LCMT1: variants seen among roughly 807,000 people sequenced by gnomAD.
LCMT1 encodes the protein leucine carboxyl methyltransferase 1.
A neutral mutation model predicts 47.7 loss-of-function variants in LCMT1; 32 were observed. The observed-to-expected ratio is 0.67, with a 90% CI of 0.51 to 0.90. The LOEUF (loss-of-function observed/expected upper bound fraction) is 0.90. Among genes scored for constraint, LCMT1 ranks in the 40% least tolerant of loss-of-function variants. The probability of loss-of-function intolerance (pLI) is 0.00; values close to 1 mark genes in which losing one functional copy is unlikely to be tolerated. For synonymous variants in LCMT1, 152 were observed against 149.7 expected, an observed-to-expected ratio of 1.02 and a Z score of -0.11; for missense variants, 375 against 415.2, an observed-to-expected ratio of 0.90 and a Z score of 0.84.
intron 1 of LCMT1, among the ~76,000 whole-genome samples, chr16:25,114,821 T>A (rs996547796): frequency 3.9e-5 from 6 of 152,272 alleles, no homozygotes; most frequent in Non-Finnish European, 8.8e-5. Context: ...TGTCCTCCTG[T>A]GTGTCTCCCG....
chr16:25,145,688 CCTGGGG>C (rs1173914705), intron 4 of LCMT1: 1 of 152,166 alleles, frequency 6.6e-6, no homozygotes, highest in Non-Finnish European at 1.5e-5. Flanking sequence ...CGAGGTGTTG[CCTGGGG>C]ACTGGCAGGG....
At chr16:25,175,101 CT>C (rs1811215371) in intron 10 of LCMT1, 67 bp downstream of exon 10, 1 of 827,416 alleles carries the variant, frequency 1.2e-6, no homozygotes, top group Non-Finnish European at 2.0e-6. Context: ...TATTCTTTCC[CT>C]TTCTCTTTCT....
At chr16:25,177,946 C>T in intron 10 of LCMT1, 55 bp from the exon 11 acceptor site, 4 of 1,576,982 alleles carry the variant, frequency 2.5e-6, no homozygotes, top group African/African-American at 1.3e-5. Flanking sequence ...CTCTAGGGGC[C>T]TCTGCTCCTG....
intron 1 of LCMT1, among the ~76,000 whole-genome samples, chr16:25,122,715 A>G (rs913335800): frequency 3.3e-5 from 5 of 152,172 alleles, no homozygotes; most frequent in African/African-American, 1.2e-4. Flanking sequence ...TTTCAGGCGT[A>G]GTTATCCTGT....
chr16:25,165,952 G>A (rs779444454), intron 7 of LCMT1, among the ~76,000 whole-genome samples: 12 of 151,954 alleles, frequency 7.9e-5, no homozygotes, highest in South Asian at 2.1e-4. Flanking sequence ...GCTATTTTTT[G>A]TTCTCTCTGA....
rs1177900213 is a variant in LCMT1, at chr16:25,115,405, A to G, written c.113+3409A>G. ...AACTATCCATTTTTGCCTTGAATAC[A>G]GGTGCTAGAAATCACACAGTAGGGT... On this transcript the variant is annotated intron_variant, in intron 1 of 10. Transcript: ENST00000399069. 2.0e-5 allele frequency among the ~76,000 whole-genome samples: 3 copies of G among 152,212 alleles called. No homozygotes were observed. The East Asian group carries it at 5.8e-4, about 29-fold the overall frequency.
chr16:25,122,244 G>T (rs1035609293), intron 1 of LCMT1, among the ~76,000 whole-genome samples: 2 of 152,194 alleles, frequency 1.3e-5, no homozygotes, highest in African/African-American at 4.8e-5. Flanking sequence ...TCATGAGGCT[G>T]AGCACTTAAA....
intron 9 of LCMT1, among the ~76,000 whole-genome samples, chr16:25,172,806 C>T (rs991634162): frequency 1.3e-5 from 2 of 152,234 alleles, no homozygotes; most frequent in Non-Finnish European, 2.9e-5. Flanking sequence ...GGCTGGTTTT[C>T]ATTTGCTACA....
At chr16:25,133,385 GTTTTTTTTTTTTT>G (rs1177872054) in intron 3 of LCMT1, among the ~76,000 whole-genome samples, 7 of 52,620 alleles carry the variant, frequency 1.3e-4, no homozygotes, top group East Asian at 1.7e-3. Flanking sequence ...CTGGGCTTAG[GTTTTTTTTTTTTT>G]TTTTTTTTTT....
chr16:25,160,982 A>C, intron 5 of LCMT1, 120 bp from the exon 6 acceptor site: 1 of 533,806 alleles, frequency 1.9e-6, no homozygotes, highest in South Asian at 2.1e-5. Context: ...CCCTCCTCTT[A>C]CGTATTTTTT....
intron 3 of LCMT1, among the ~76,000 whole-genome samples, chr16:25,132,857 A>C (rs1452370785): frequency 7.3e-6 from 1 of 137,520 alleles, no homozygotes; most frequent in Admixed American, 7.5e-5. Flanking sequence ...TGCATTTGTA[A>C]CTTTTTTTTT....
Position 25,132,432 on chromosome 16 carries a change from A to G in LCMT1, c.236A>G (p.Gln79Arg). 2 of 1,613,836 alleles carry G rather than the reference A, an allele frequency of 1.2e-6. No homozygotes were observed. The highest frequency in any genetic ancestry group is 1.7e-6 in the Non-Finnish European group (2 of 1,179,862). ...GYFARVHGVSQLIKAFLRKTE... is the reference protein window; with the variant it reads ...GYFARVHGVSRLIKAFLRKTE... ...TTTGCTCGAGTCCATGGTGTCAGTCAGCTTATAAAGGCATTTCTACGGAAG... is the reference window on the plus strand; with the variant it reads ...TTTGCTCGAGTCCATGGTGTCAGTCGGCTTATAAAGGCATTTCTACGGAAG... Residue 79 changes from glutamine (Q) to arginine (R), a missense_variant, in exon 3 of 11, where the codon CAG becomes CGG. Coordinates refer to ENST00000399069, the MANE Select transcript of LCMT1 (RefSeq NM_016309.3).
At chr16:25,177,914 C>T in intron 10 of LCMT1, 87 bp from the exon 11 acceptor site, 6 of 1,162,250 alleles carry the variant, frequency 5.2e-6, no homozygotes, top group Non-Finnish European at 7.8e-6. Context: ...GGCTGGTGCC[C>T]CTGAGCCGGT....
intron 5 of LCMT1, among the ~76,000 whole-genome samples, chr16:25,154,638 C>T (rs1020689224): frequency 5.9e-5 from 9 of 151,882 alleles, no homozygotes; most frequent in Non-Finnish European, 1.0e-4. Context: ...AGGTGCCCGC[C>T]ACCACGCCCG....
intron 1 of LCMT1, among the ~76,000 whole-genome samples, chr16:25,126,366 T>C (rs1960190169): frequency 6.6e-6 from 1 of 152,300 alleles, no homozygotes; most frequent in African/African-American, 2.4e-5. Flanking sequence ...CTCTCTGTAC[T>C]GGAGGCTCAG....
chr16:25,140,069 C>A, intron 3 of LCMT1, 102 bp from the exon 4 acceptor site: 1 of 808,824 alleles, frequency 1.2e-6, no homozygotes, highest in South Asian at 1.6e-5. Context: ...ATTTAAAAAT[C>A]CTTAAACACT....
chr16:25,132,823 T>C (rs1040636360), intron 3 of LCMT1, among the ~76,000 whole-genome samples: 2 of 151,792 alleles, frequency 1.3e-5, no homozygotes, highest in Non-Finnish European at 2.9e-5. Context: ...ACCAGTAGAA[T>C]TGCTGGAATG....
intron 2 of LCMT1, chr16:25,132,067 CTTTCATTATAGCCATG>C: frequency 2.5e-6 from 1 of 402,328 alleles, no homozygotes; most frequent in South Asian, 2.0e-5. Flanking sequence ...TCCAGAGTGG[CTTTCATTATAGCCATG>C]AAAGGCACAT....
chr16:25,136,402 A>G (rs908801879), intron 3 of LCMT1, among the ~76,000 whole-genome samples: 1 of 151,908 alleles, frequency 6.6e-6, no homozygotes, highest in Non-Finnish European at 1.5e-5. Flanking sequence ...GCCATCAAGA[A>G]TCACAGAAGA....
Sources: gnomAD v4.1 joint callset for allele counts (sites outside exome capture counted in the v4.1 genomes callset) on GRCh38, gnomAD v4.1.1 for gene constraint, MANE v1.5 for transcripts, NCBI Gene and HGNC (gene_info 2026-07-23, HGNC 2026-07-21) for gene names.